The following CC2D1B variants were observed in gnomAD, a reference collection of about 807,000 sequenced individuals.
CC2D1B encodes coiled-coil and C2 domain-containing protein 1B.
In CC2D1B, 92 loss-of-function variants were observed where a neutral mutation model predicts 110.8. The observed-to-expected ratio is 0.83, with a 90% CI of 0.70 to 0.99. CC2D1B has a LOEUF of 0.99. CC2D1B is among the 50% of genes least tolerant of loss of function. The pLI, the probability that CC2D1B is intolerant of heterozygous loss-of-function variation, is 0.00. For synonymous variants in CC2D1B, 406 were observed against 429.2 expected, an observed-to-expected ratio of 0.95 and a Z score of 0.67; for missense variants, 1,136 against 1,089.0, an observed-to-expected ratio of 1.04 and a Z score of -0.61.
In CC2D1B at chr1:52,358,281, C is replaced by G. The variant is rs371668314; in HGVS notation, c.1461+50G>C. 2.4e-5 allele frequency: 38 copies of G among 1,591,730 alleles called. No individual in the cohort carries two copies. In the Admixed American group the frequency reaches 6.3e-4, roughly 26 times the overall value. ...TGGACAACAGGGTCTGGGTTTACCC[C>G]TCACCTGCTATTCTCCCCACCAGCC... On this transcript the variant is annotated intron_variant, in intron 13 of 24. Transcript: ENST00000284376.
intron 2 of CC2D1B, among the ~76,000 whole-genome samples, 181 bp downstream of exon 2, chr1:52,364,371 C>G (rs1470897681): frequency 6.6e-6 from 1 of 152,224 alleles, no homozygotes; most frequent in Non-Finnish European, 1.5e-5. Context: ...CCTGAACCCT[C>G]TCCCCACTTG....
chr1:52,353,900 A>G (rs1646582744), intron 23 of CC2D1B: 1 of 379,106 alleles, frequency 2.6e-6, no homozygotes, highest in African/African-American at 2.0e-5. Flanking sequence ...TTTTCTCCTC[A>G]ATCCCCACGG....
At chr1:52,361,684 T>C (rs185625909) in intron 3 of CC2D1B, 68 bp from the exon 4 acceptor site, 3 of 1,582,360 alleles carry the variant, frequency 1.9e-6, no homozygotes, top group Non-Finnish European at 2.6e-6. Flanking sequence ...AAGGAGGGGC[T>C]TGGTAGATCC....
At position 52,366,168 on chromosome 1, in the gene CC2D1B, G is replaced by C. The variant is rs1343631730; in HGVS notation, c.-114C>G. The C allele has an allele frequency of 6.6e-6, 1 of 152,320 alleles. No homozygotes were observed. Among genetic ancestry groups the C allele is most frequent in the African/African-American group, 2.4e-5 (1 of 41,452 alleles). 9.4% of individuals were successfully genotyped at this position (152,320 alleles called of 1,614,324 possible). A position where few individuals can be genotyped will look rare whatever the true frequency, so the allele number is the denominator to read the frequency against. ...GCAGCGGTAGCGACAGGAAGCGCCAGCAGGGGAGGTGGCTCGCGCGCAACA... is the reference window on the plus strand; with the variant it reads ...GCAGCGGTAGCGACAGGAAGCGCCACCAGGGGAGGTGGCTCGCGCGCAACA... On this transcript the variant is annotated 5_prime_UTR_variant, in exon 1 of 25. Coordinates refer to ENST00000284376, the MANE Select transcript of CC2D1B (RefSeq NM_001330585.2).
At position 52,355,806 on chromosome 1, in the gene CC2D1B, A is replaced by G. The variant is rs754052636; in HGVS notation, c.2093T>C (p.Ile698Thr). Residue 698 changes from isoleucine (I) to threonine (T), a missense_variant, in exon 19 of 25, where the codon ATC (isoleucine) becomes ACC (threonine). By Grantham distance (89) the Ile-to-Thr change is moderately conservative (BLOSUM62 -1). Coordinates refer to ENST00000284376, the MANE Select transcript of CC2D1B (RefSeq NM_001330585.2). ...SELNSTEMHL[I>T]IVRGMNLPAP... ...TGGGAGGTTCATTCCCCGGACAATG[A>G]TCAGATGCATTTCTGTGCTGTTGAG... 5.6e-6 allele frequency: 9 copies of G among 1,614,158 alleles called. No individual in the cohort carries two copies. The South Asian group carries it at 7.7e-5, about 14-fold the overall frequency.
chr1:52,364,488 C>T, intron 2 of CC2D1B, 64 bp downstream of exon 2: 1 of 1,111,194 alleles, frequency 9.0e-7, no homozygotes, highest in Non-Finnish European at 1.3e-6. Context: ...TCCAGTTTGC[C>T]TAAGTTGTCT....
Position 52,359,877 on chromosome 1 carries a change from G to C in CC2D1B, c.770C>G (p.Pro257Arg), listed in dbSNP as rs758845633. ...AGGGAGGCTGGTCTCAGGTTGGGAG[G>C]GGTTGTCTATAAGGAAACAAACAGT... The part of the protein sequence containing the change: ...PAPPALESDN[P>R]SQPETSLPGI... Residue 257 changes from proline to arginine, a missense_variant, in exon 8 of 25, where the codon CCC (proline) becomes CGC (arginine). Coordinates refer to ENST00000284376, the MANE Select transcript of CC2D1B (RefSeq NM_001330585.2). The C allele has an allele frequency of 6.2e-7, 1 of 1,610,966 alleles. No individual in the cohort carries two copies. Among genetic ancestry groups the C allele is most frequent in the Non-Finnish European group, 8.5e-7 (1 of 1,178,662 alleles).
intron 18 of CC2D1B, 96 bp from the exon 19 acceptor site, chr1:52,355,940 G>A: frequency 7.8e-7 from 1 of 1,283,752 alleles, no homozygotes; most frequent in East Asian, 2.3e-5. Context: ...GCTGGGTGGT[G>A]ACGGGAGGGA....
chr1:52,354,264 C>T (rs889433002), intron 23 of CC2D1B: 35 of 462,206 alleles, frequency 7.6e-5, no homozygotes, highest in South Asian at 1.0e-4. Flanking sequence ...AGGAGCTGGT[C>T]GTAGCTCTGC....
rs994755847 is a variant in CC2D1B at position 52,352,850 on chromosome 1, T to G, written c.*375A>C. On this transcript the variant is annotated 3_prime_UTR_variant, in exon 25 of 25. Coordinates refer to ENST00000284376, the MANE Select transcript of CC2D1B (RefSeq NM_001330585.2). The stretch of plus-strand genomic sequence containing the variant: ...CAAGTTCTCCCATCCCATAGTTAGA[T>G]CTTTTAAAGGCACATCTAGAAGTGG... 4 of 163,616 alleles carry G rather than the reference T, an allele frequency of 2.4e-5. No homozygotes were observed. The highest frequency in any genetic ancestry group is 1.8e-4 in the East Asian group (1 of 5,614). The allele number at this position is 163,616 out of a possible 1,614,324, so 10.1% of individuals were successfully genotyped here.
intron 11 of CC2D1B, 131 bp from the exon 12 acceptor site, chr1:52,358,889 C>T: frequency 1.4e-6 from 2 of 1,443,542 alleles, no homozygotes; most frequent in Non-Finnish European, 1.9e-6. Flanking sequence ...AAAAAGATCC[C>T]TAAGGCAGCA....
At chr1:52,363,154 G>A (rs1161859500) in intron 2 of CC2D1B, among the ~76,000 whole-genome samples, 2 of 152,124 alleles carry the variant, frequency 1.3e-5, no homozygotes, top group Admixed American at 6.5e-5. Context: ...CAGCACTTTG[G>A]GAGGCCGAGG....
Position 52,359,078 on chromosome 1 carries a change from G to C in CC2D1B, c.1206C>G (p.Ala402=). 1.2e-6 allele frequency: 2 copies of C among 1,609,218 alleles called. No individual in the cohort carries two copies. The highest frequency in any genetic ancestry group is 3.3e-5 in the Admixed American group (2 of 60,030). Residue 402 remains alanine, a synonymous_variant, in exon 11 of 25, where the codon GCC becomes GCG. Coordinates refer to ENST00000284376, the MANE Select transcript of CC2D1B (RefSeq NM_001330585.2). The part of the protein sequence containing the change: ...LNKYREAGIQ[A]RSGGDERKAR... ...CCTTGCGCTCGTCCCCACCACTCCG[G>C]GCCTGGATGCCCGCCTCGCGGTACT... is the stretch of plus-strand genomic sequence containing the variant.
chr1:52,363,390 G>C (rs977050835), intron 2 of CC2D1B, among the ~76,000 whole-genome samples: 28 of 136,320 alleles, frequency 2.1e-4, no homozygotes, highest in African/African-American at 2.8e-5. Context: ...GCGAGACTCC[G>C]TCTCAAAAAA....
At chr1:52,363,357 T>C (rs1646823017) in intron 2 of CC2D1B, among the ~76,000 whole-genome samples, 1 of 145,242 alleles carries the variant, frequency 6.9e-6, no homozygotes, top group Admixed American at 7.1e-5. Context: ...ATGGCGCCAC[T>C]GCACTCCAGC....
At chr1:52,361,696 C>T in intron 3 of CC2D1B, 80 bp from the exon 4 acceptor site, 3 of 1,550,954 alleles carry the variant, frequency 1.9e-6, no homozygotes, top group Non-Finnish European at 2.7e-6. Flanking sequence ...GGTAGATCCA[C>T]CCAGGCAGAA....
intron 20 of CC2D1B, 43 bp from the exon 21 acceptor site, chr1:52,355,492 A>G (rs1646629278): frequency 1.2e-6 from 2 of 1,612,378 alleles, no homozygotes; most frequent in Admixed American, 1.7e-5. Context: ...GTATAAACAA[A>G]GAGGCACACA....
In CC2D1B at chr1:52,354,945, A is replaced by C; in HGVS notation, c.2240-6T>G. The C allele has an allele frequency of 6.2e-7, 1 of 1,609,916 alleles. No individual in the cohort carries two copies. The highest frequency in any genetic ancestry group is 8.5e-7 in the Non-Finnish European group (1 of 1,176,216). Reference sequence around the variant, plus strand: ...TTTGAAGAGTTGATCAAATTCTGGCAAAGGGGGAGAAAGCAAGGAGGGGCT... The same window carrying C: ...TTTGAAGAGTTGATCAAATTCTGGCCAAGGGGGAGAAAGCAAGGAGGGGCT... On this transcript the variant is annotated splice_region_variant and splice_polypyrimidine_tract_variant and intron_variant, in intron 21 of 24. Transcript: ENST00000284376.
intron 1 of CC2D1B, among the ~76,000 whole-genome samples, chr1:52,365,730 G>A (rs1042443950): frequency 3.3e-5 from 5 of 152,242 alleles, no homozygotes; most frequent in African/African-American, 4.8e-5. Flanking sequence ...GCAGGAAGCC[G>A]GCGCATCTCG....
Sources: gnomAD v4.1 joint callset for allele counts (sites outside exome capture counted in the v4.1 genomes callset) on GRCh38, gnomAD v4.1.1 for gene constraint, MANE v1.5 for transcripts, NCBI Gene and HGNC (gene_info 2026-07-23, HGNC 2026-07-21) for gene names.